The following UBE2E2 variants were observed in gnomAD, a reference collection of about 807,000 sequenced individuals.
UBE2E2 encodes ubiquitin conjugating enzyme E2 E2.
UBE2E2 carries 6 observed loss-of-function variants against 24.7 expected under a neutral mutation model. The observed-to-expected ratio is 0.24, with a 90% CI of 0.13 to 0.48. The LOEUF (loss-of-function observed/expected upper bound fraction) is 0.48. UBE2E2 is among the 20% of genes least tolerant of loss of function. UBE2E2 has a pLI of 0.99. For missense variants in UBE2E2, 169 were observed against 245.0 expected (o/e 0.69, Z 2.07); for synonymous variants, 104 against 83.6 (o/e 1.24, Z -1.33).
At chr3:23,311,760 C>A (rs1363384712) in intron 3 of UBE2E2, among the ~76,000 whole-genome samples, 1 of 152,044 alleles carries the variant, frequency 6.6e-6, no homozygotes, top group Non-Finnish European at 1.5e-5. Context: ...ATCGTGGGTA[C>A]ATAGTAGGTA....
At chr3:23,206,349 GA>G (rs1402072921) in intron 1 of UBE2E2, among the ~76,000 whole-genome samples, 10 of 152,018 alleles carry the variant, frequency 6.6e-5, no homozygotes, top group African/African-American at 2.4e-4. Context: ...AAATAAAAAT[GA>G]AAAAAAGCAA....
intron 3 of UBE2E2, among the ~76,000 whole-genome samples, chr3:23,437,740 C>T (rs573051241): frequency 4.3e-4 from 66 of 152,324 alleles, no homozygotes; most frequent in Middle Eastern, 6.8e-3. Flanking sequence ...TGGATTTCTA[C>T]GTCCTTTTGG....
At chr3:23,268,370 A>G (rs1698118375) in intron 3 of UBE2E2, among the ~76,000 whole-genome samples, 14 of 150,626 alleles carry the variant, frequency 9.3e-5, no homozygotes, top group African/African-American at 2.0e-4. Context: ...TCAGGATACA[A>G]AATCAATGTA....
chr3:23,369,968 C>T (rs1014577710), intron 3 of UBE2E2, among the ~76,000 whole-genome samples: 1 of 152,050 alleles, frequency 6.6e-6, no homozygotes, highest in Non-Finnish European at 1.5e-5. Flanking sequence ...TACATCTGTT[C>T]CCCCTTTAGA....
chr3:23,370,497 A>G (rs1696374278), intron 3 of UBE2E2, among the ~76,000 whole-genome samples: 1 of 152,234 alleles, frequency 6.6e-6, no homozygotes, highest in Non-Finnish European at 1.5e-5. Context: ...CCCTGTTGTT[A>G]TATAGCCTTT....
chr3:23,260,406 A>G (rs1359552988), intron 3 of UBE2E2, among the ~76,000 whole-genome samples: 1 of 152,248 alleles, frequency 6.6e-6, no homozygotes, highest in African/African-American at 2.4e-5. Context: ...TATGAAATGT[A>G]GGATATGGAA....
At chr3:23,301,664 C>A (rs576040619) in intron 3 of UBE2E2, among the ~76,000 whole-genome samples, 7 of 152,248 alleles carry the variant, frequency 4.6e-5, no homozygotes, top group Non-Finnish European at 8.8e-5. Context: ...GAGGAGTACC[C>A]GGCCGTGTGA....
At chr3:23,420,013 C>G (rs184786507) in intron 3 of UBE2E2, among the ~76,000 whole-genome samples, 1 of 152,222 alleles carries the variant, frequency 6.6e-6, no homozygotes, top group Non-Finnish European at 1.5e-5. Flanking sequence ...CATGTACATA[C>G]AAGAATAAAC....
At chr3:23,401,692 A>G (rs565748403) in intron 3 of UBE2E2, among the ~76,000 whole-genome samples, 58 of 151,922 alleles carry the variant, frequency 3.8e-4, no homozygotes, top group African/African-American at 1.2e-3. Context: ...GTATAAATAT[A>G]TATTTTTAGG....
At chr3:23,311,856 C>G (rs1016459753) in intron 3 of UBE2E2, among the ~76,000 whole-genome samples, 42 of 152,222 alleles carry the variant, frequency 2.8e-4, no homozygotes, top group African/African-American at 9.6e-4. Flanking sequence ...AGCATTTATC[C>G]TTTGTGTTAC....
chr3:23,438,126 G>C (rs999760015), intron 3 of UBE2E2, among the ~76,000 whole-genome samples: 3 of 152,160 alleles, frequency 2.0e-5, no homozygotes, highest in Non-Finnish European at 4.4e-5. Flanking sequence ...ACCAGTACAG[G>C]TTTCTGTAAA....
intron 3 of UBE2E2, among the ~76,000 whole-genome samples, chr3:23,444,611 G>C (rs1426189638): frequency 6.6e-6 from 1 of 152,174 alleles, no homozygotes; most frequent in East Asian, 1.9e-4. Flanking sequence ...AATGGCCATT[G>C]CTTCAATGCA....
Position 23,242,884 on chromosome 3 carries a change from G to T in UBE2E2, c.227+25572G>T, listed in dbSNP as rs145783496. Among the ~76,000 whole-genome samples, 1,255 of 152,098 alleles carry T rather than the reference G, an allele frequency of 8.3e-3. 16 individuals are homozygous for T. The highest frequency in any genetic ancestry group is 0.028 in the African/African-American group (1,154 of 41,482). On this transcript the variant is annotated intron_variant, in intron 3 of 5. Coordinates refer to ENST00000396703, the MANE Select transcript of UBE2E2 (RefSeq NM_152653.4). ...GAGGATCACCTGAGGTCAGGAGTTC[G>T]AGACCTGCCTGGCCAACATGGTGAA...
At chr3:23,489,022 T>C (rs1209312301) in intron 3 of UBE2E2, among the ~76,000 whole-genome samples, 1 of 152,148 alleles carries the variant, frequency 6.6e-6, no homozygotes, top group Non-Finnish European at 1.5e-5. Context: ...AATGGTTACC[T>C]TTCTGGTTTT....
chr3:23,257,530 CTTT>C (rs3057372), intron 3 of UBE2E2, among the ~76,000 whole-genome samples: 330 of 16,284 alleles, frequency 0.02, 5 homozygotes, highest in African/African-American at 0.074. Flanking sequence ...CCCCCCCCCA[CTTT>C]TTTTTTTTTT....
intron 5 of UBE2E2, among the ~76,000 whole-genome samples, chr3:23,584,652 C>T (rs1174192641): frequency 6.6e-6 from 1 of 151,298 alleles, no homozygotes; most frequent in Non-Finnish European, 1.5e-5. Context: ...CCCCTGGGCT[C>T]CAGTGAACCT....
At chr3:23,565,182 C>T (rs1281079149) in intron 5 of UBE2E2, among the ~76,000 whole-genome samples, 3 of 152,082 alleles carry the variant, frequency 2.0e-5, no homozygotes, top group Non-Finnish European at 4.4e-5. Context: ...GTGCATCCCT[C>T]TGGGAGAGAT....
At chr3:23,313,574 G>A (rs1201991400) in intron 3 of UBE2E2, among the ~76,000 whole-genome samples, 3 of 151,544 alleles carry the variant, frequency 2.0e-5, no homozygotes, top group African/African-American at 7.3e-5. Flanking sequence ...TAGTAGAGTC[G>A]GGGTTTCACC....
chr3:23,497,588 T>G (rs1451809624), intron 3 of UBE2E2, among the ~76,000 whole-genome samples: 1 of 152,206 alleles, frequency 6.6e-6, no homozygotes, highest in Non-Finnish European at 1.5e-5. Context: ...CATGTATGGT[T>G]TGTGGGTATA....
Sources: gnomAD v4.1 joint callset for allele counts (sites outside exome capture counted in the v4.1 genomes callset) on GRCh38, gnomAD v4.1.1 for gene constraint, MANE v1.5 for transcripts, NCBI Gene and HGNC (gene_info 2026-07-23, HGNC 2026-07-21) for gene names.